The following COL4A4 variants were observed in gnomAD, a reference collection of about 807,000 sequenced individuals.
COL4A4 encodes the protein collagen alpha-4(IV) chain.
COL4A4 carries 105 observed loss-of-function variants against 192.9 expected under a neutral mutation model. That is an observed-to-expected ratio of 0.54 (90% CI 0.46 to 0.64). The LOEUF is 0.64. Ranked by LOEUF, COL4A4 falls within the 30% of genes least tolerant of loss-of-function variation. The pLI, the probability that COL4A4 is intolerant of heterozygous loss-of-function variation, is 0.00. For synonymous variants in COL4A4, 762 were observed against 769.9 expected (o/e 0.99, Z 0.17); for missense variants, 1,967 against 2,169.3 (o/e 0.91, Z 1.85).
At chr2:227,010,219 A>C in intron 46 of COL4A4, 94 bp downstream of exon 46, 1 of 1,240,754 alleles carries the variant, frequency 8.1e-7, no homozygotes, top group East Asian at 2.3e-5. Context: ...ATCCCATATA[A>C]GGTTAGTGAT....
intron 24 of COL4A4, 143 bp from the exon 25 acceptor site, chr2:227,078,220 A>G (rs2059137599): frequency 6.0e-6 from 4 of 670,914 alleles, no homozygotes; most frequent in African/African-American, 1.8e-5. Flanking sequence ...TTTAAAATAA[A>G]TAACTTAGAT....
In COL4A4 at chr2:227,027,845, C is replaced by T. The variant is rs781361766; in HGVS notation, c.4081+57G>A. 2.3e-5 allele frequency: 28 copies of T among 1,206,212 alleles called. No homozygotes were observed. In the East Asian group the frequency reaches 3.5e-4, roughly 15 times the overall value. The allele number at this position is 1,206,212 out of a possible 1,614,324, so 74.7% of individuals were successfully genotyped here. A position where few individuals can be genotyped will look rare whatever the true frequency, so the allele number is the denominator to read the frequency against. On this transcript the variant is annotated intron_variant, in intron 42 of 47. Transcript: ENST00000396625. ...TTCAGAATATTAACTACTTTCTGAA[C>T]GATGATCATTTTAGTAAATGTTTAA... is the stretch of plus-strand genomic sequence containing the variant.
At position 227,007,212 on chromosome 2, in the gene COL4A4, A is replaced by AGTTTTG; in HGVS notation, c.*112_*113insCAAAAC. The AGTTTTG allele has an allele frequency of 7.0e-7, 1 of 1,419,762 alleles. No individual in the cohort carries two copies. The highest frequency in any genetic ancestry group is 1.7e-5 in the Admixed American group (1 of 59,718). 87.9% of individuals were successfully genotyped at this position (1,419,762 alleles called of 1,614,324 possible). A position where few individuals can be genotyped will look rare whatever the true frequency, so the allele number is the denominator to read the frequency against. ...GGAATAACCACGACAAAACAGAAGG[A>AGTTTTG]ACCACTGAAAGGGAGTCCAAAATGA... On this transcript the variant is annotated 3_prime_UTR_variant, in exon 48 of 48. Transcript: ENST00000396625.
In COL4A4 at chr2:227,005,240, T is replaced by C. The variant is rs1961851242; in HGVS notation, c.*2085A>G. The C allele has an allele frequency of 6.6e-6, 1 of 151,968 alleles. No homozygotes were observed. The highest frequency in any genetic ancestry group is 1.5e-5 in the Non-Finnish European group (1 of 68,004). 9.4% of individuals were successfully genotyped at this position (151,968 alleles called of 1,614,324 possible). A position where few individuals can be genotyped will look rare whatever the true frequency, so the allele number is the denominator to read the frequency against. ...TTACTTATTTATTAACTTATGAAGA[T>C]AATATTCTAATACCAACATTAAAGT... On this transcript the variant is annotated 3_prime_UTR_variant, in exon 48 of 48. Transcript: ENST00000396625.
chr2:227,160,098 A>T (rs1371413951), intron 1 of COL4A4, among the ~76,000 whole-genome samples: 1 of 152,204 alleles, frequency 6.6e-6, no homozygotes, highest in Non-Finnish European at 1.5e-5. Context: ...CGAAGGTGTG[A>T]GGTGAGGAAG....
At chr2:227,035,417 G>A (rs1228007365) in intron 37 of COL4A4, among the ~76,000 whole-genome samples, 8 of 151,894 alleles carry the variant, frequency 5.3e-5, no homozygotes, top group Non-Finnish European at 1.0e-4. Flanking sequence ...ATTAGAAGCT[G>A]GCACAGTTAG....
At chr2:227,143,807 A>T (rs1275686636) in intron 3 of COL4A4, among the ~76,000 whole-genome samples, 1 of 152,248 alleles carries the variant, frequency 6.6e-6, no homozygotes, top group African/African-American at 2.4e-5. Context: ...TGAGTCTTAT[A>T]TAAGTTAAGA....
intron 23 of COL4A4, 36 bp from the exon 24 acceptor site, chr2:227,080,585 T>A (rs200365706): frequency 1.3e-6 from 2 of 1,566,248 alleles, no homozygotes; most frequent in East Asian, 4.5e-5. Flanking sequence ...CAAGCTCTTA[T>A]CAGCAGAGGG....
At chr2:226,994,088 C>T in the COL4A4 span, among the ~76,000 whole-genome samples, 9 of 152,316 alleles carry the variant, frequency 5.9e-5, no homozygotes, top group South Asian at 1.5e-3. Context: ...AGCTGGACTG[C>T]GGGCACCTTC....
At chr2:227,130,585 A>G (rs1279220317) in intron 4 of COL4A4, among the ~76,000 whole-genome samples, 1 of 152,088 alleles carries the variant, frequency 6.6e-6, no homozygotes, top group Admixed American at 6.5e-5. Context: ...AGAGCTCTTC[A>G]GGGCTGCCCT....
the COL4A4 span, among the ~76,000 whole-genome samples, chr2:226,969,504 G>A: frequency 6.6e-6 from 1 of 150,540 alleles, no homozygotes; most frequent in South Asian, 2.1e-4. Flanking sequence ...GCCTAAATAG[G>A]GAAAGGGAGT....
chr2:227,074,315 A>C (rs2058896918), intron 25 of COL4A4, among the ~76,000 whole-genome samples: 1 of 152,184 alleles, frequency 6.6e-6, no homozygotes, highest in Non-Finnish European at 1.5e-5. Context: ...AACATCACTA[A>C]TCATTAGGGA....
At chr2:226,973,939 T>C in the COL4A4 span, among the ~76,000 whole-genome samples, 2 of 152,166 alleles carry the variant, frequency 1.3e-5, no homozygotes, top group Admixed American at 1.3e-4. Context: ...CATGGGCTCT[T>C]TGATAGCAGA....
the COL4A4 span, among the ~76,000 whole-genome samples, chr2:226,986,620 A>C: frequency 6.6e-6 from 1 of 152,236 alleles, no homozygotes; most frequent in East Asian, 1.9e-4. Context: ...GCAAATCAAA[A>C]CCACAATGAG....
At chr2:227,101,807 A>G in intron 16 of COL4A4, 58 bp downstream of exon 16, 6 of 1,331,588 alleles carry the variant, frequency 4.5e-6, no homozygotes, top group Non-Finnish European at 6.3e-6. Flanking sequence ...TCTGAATTAT[A>G]CTAAATTGCA....
intron 44 of COL4A4, among the ~76,000 whole-genome samples, chr2:227,017,432 AGT>A (rs1233248795): frequency 6.6e-6 from 1 of 152,172 alleles, no homozygotes; most frequent in Middle Eastern, 3.2e-3. Flanking sequence ...CAAACCCTCC[AGT>A]GTTAGATGGA....
downstream of COL4A4, among the ~76,000 whole-genome samples, chr2:226,999,506 G>T (rs1021322683): frequency 6.6e-6 from 1 of 152,186 alleles, no homozygotes; most frequent in African/African-American, 2.4e-5. Flanking sequence ...CTTTTTACAG[G>T]TCTGCGTTGG....
At chr2:226,975,316 T>C in the COL4A4 span, among the ~76,000 whole-genome samples, 1 of 152,126 alleles carries the variant, frequency 6.6e-6, no homozygotes, top group East Asian at 1.9e-4. Context: ...TAAATACATA[T>C]ATAAAATCAT....
chr2:227,144,290 G>T (rs1235612362), intron 3 of COL4A4, among the ~76,000 whole-genome samples: 3 of 152,174 alleles, frequency 2.0e-5, no homozygotes, highest in Non-Finnish European at 4.4e-5. Context: ...TAAAGAAAGG[G>T]TTATGTTTGT....
Sources: gnomAD v4.1 joint callset for allele counts (sites outside exome capture counted in the v4.1 genomes callset) on GRCh38, gnomAD v4.1.1 for gene constraint, MANE v1.5 for transcripts, NCBI Gene and HGNC (gene_info 2026-07-23, HGNC 2026-07-21) for gene names.